The following RFX2 variants were observed in gnomAD, a reference collection of about 807,000 sequenced individuals.
The protein encoded by RFX2 is DNA-binding protein RFX2.
A neutral mutation model predicts 87.8 loss-of-function variants in RFX2; 20 were observed. That is an observed-to-expected ratio of 0.23 (90% CI 0.16 to 0.33). RFX2 has a LOEUF of 0.33. Ranked by LOEUF, RFX2 falls within the 10% of genes least tolerant of loss-of-function variation. The pLI is 1.00. For synonymous variants in RFX2, 397 were observed against 431.3 expected, an observed-to-expected ratio of 0.92 and a Z score of 0.98; for missense variants, 767 against 1,012.3, an observed-to-expected ratio of 0.76 and a Z score of 3.29.
At chr19:6,100,869 T>C (rs943121745) in intron 1 of RFX2, among the ~76,000 whole-genome samples, 6 of 140,576 alleles carry the variant, frequency 4.3e-5, no homozygotes, top group Admixed American at 4.0e-4. Context: ...ATTGATTTAA[T>C]TGAATTAATT....
rs2086431888 is a variant in RFX2, at chr19:5,997,593, G to C, written c.1860-380C>G. 6.6e-6 allele frequency among the ~76,000 whole-genome samples: 1 copy of C among 152,226 alleles called. No homozygotes were observed. Among genetic ancestry groups the C allele is most frequent in the Non-Finnish European group, 1.5e-5 (1 of 68,038 alleles). ...CGGACTCCGAATCAGAGCACAGGCT[G>C]GCAGCTGGTGCCTGTCTCCCCAGCA... On this transcript the variant is annotated intron_variant, in intron 15 of 17. Transcript: ENST00000303657. The surrounding 1 kb of genome is among the most constrained non-coding windows in gnomAD (Gnocchi z 4.2).
chr19:6,054,033 G>T (rs1437927199), intron 1 of RFX2, among the ~76,000 whole-genome samples: 2 of 136,346 alleles, frequency 1.5e-5, no homozygotes, highest in African/African-American at 5.5e-5. Context: ...GATAAGAAAA[G>T]AAAACCCAAA....
chr19:6,077,576 T>G (rs2087709791), intron 1 of RFX2, among the ~76,000 whole-genome samples: 1 of 152,202 alleles, frequency 6.6e-6, no homozygotes, highest in Admixed American at 6.5e-5. Context: ...GAAGTAGACA[T>G]GTGCTAAACA....
intron 1 of RFX2, among the ~76,000 whole-genome samples, chr19:6,094,718 A>G (rs1171214690): frequency 6.6e-6 from 1 of 152,232 alleles, no homozygotes; most frequent in Non-Finnish European, 1.5e-5. Flanking sequence ...AGAATGTGAA[A>G]TATCTCGACA....
chr19:6,018,498 G>C (rs2144716217), intron 6 of RFX2, among the ~76,000 whole-genome samples: 1 of 152,358 alleles, frequency 6.6e-6, no homozygotes, highest in African/African-American at 2.4e-5. Context: ...TCAGGTGAAG[G>C]GGTGTGTGGG....
At chr19:6,108,461 C>G (rs1332369461) in intron 1 of RFX2, among the ~76,000 whole-genome samples, 1 of 152,140 alleles carries the variant, frequency 6.6e-6, no homozygotes, top group East Asian at 1.9e-4. Context: ...ACAATATGTA[C>G]AGGCAAAAAT....
chr19:5,997,624 C>T lies in RFX2; in HGVS notation c.1860-411G>A, dbSNP rs12984893. ...TGGTGCCTGTCTCCCCAGCAGGAGG[C>T]GCCTTTCCCCACCTTCCCCGTATCC... On this transcript the variant is annotated intron_variant, in intron 15 of 17. Transcript: ENST00000303657. The surrounding 1 kb of genome is among the most constrained non-coding windows in gnomAD (Gnocchi z 4.2). Among the ~76,000 whole-genome samples the T allele has an allele frequency of 0.25, 37,601 of 152,090 alleles. 5,467 individuals carry two copies. Among genetic ancestry groups the T allele is most frequent in the Middle Eastern group, 0.37 (109 of 294 alleles).
At position 6,083,045 on chromosome 19, in the gene RFX2, T is replaced by G. The variant is rs1260952115; in HGVS notation, c.-9+27348A>C. On this transcript the variant is annotated intron_variant, in intron 1 of 17. Coordinates refer to ENST00000303657, the MANE Select transcript of RFX2 (RefSeq NM_000635.4). This position sits in a 1 kb window ranked among gnomAD's most constrained non-coding sequence, Gnocchi z 4.6. ...CCTCAACCTCCCTGGGCTCAGGGAGTACGGGCACGTGCCACTACCCCCAGC... is the reference window on the plus strand; with the variant it reads ...CCTCAACCTCCCTGGGCTCAGGGAGGACGGGCACGTGCCACTACCCCCAGC... 6.6e-6 allele frequency among the ~76,000 whole-genome samples: 1 copy of G among 151,578 alleles called. No individual in the cohort carries two copies. Among genetic ancestry groups the G allele is most frequent in the African/African-American group, 2.4e-5 (1 of 41,192 alleles).
At chr19:6,107,644 A>AT (rs2088239660) in intron 1 of RFX2, among the ~76,000 whole-genome samples, 1 of 148,372 alleles carries the variant, frequency 6.7e-6, no homozygotes, top group African/African-American at 2.5e-5. Context: ...AAAAAAAAAA[A>AT]TCCACAGGTG....
At chr19:6,091,282 G>A (rs1478794451) in intron 1 of RFX2, among the ~76,000 whole-genome samples, 1 of 152,098 alleles carries the variant, frequency 6.6e-6, no homozygotes, top group East Asian at 1.9e-4. Context: ...CTTGAATCCC[G>A]GAGTTTGAGA....
chr19:6,108,233 C>A (rs1263611450), intron 1 of RFX2, among the ~76,000 whole-genome samples: 1 of 152,160 alleles, frequency 6.6e-6, no homozygotes, highest in East Asian at 1.9e-4. Flanking sequence ...AACTTAAATT[C>A]TTTTCCTAGG....
intron 1 of RFX2, among the ~76,000 whole-genome samples, chr19:6,093,394 G>C (rs192125553): frequency 6.6e-6 from 1 of 152,262 alleles, no homozygotes; most frequent in East Asian, 1.9e-4. Context: ...AATTTGCCGG[G>C]CGTGGTGGCA....
At chr19:6,043,447 C>A (rs1030091822) in intron 3 of RFX2, among the ~76,000 whole-genome samples, 1 of 152,230 alleles carries the variant, frequency 6.6e-6, no homozygotes, top group African/African-American at 2.4e-5. Context: ...CTCAGGGCTC[C>A]TTTTAGGGAG....
chr19:6,028,749 G>A (rs559909016), intron 5 of RFX2, among the ~76,000 whole-genome samples: 16 of 151,980 alleles, frequency 1.1e-4, no homozygotes, highest in African/African-American at 1.4e-4. Context: ...GGAAATTTTC[G>A]TCAGATCACT....
At chr19:6,084,085 C>T (rs747054496) in intron 1 of RFX2, among the ~76,000 whole-genome samples, 6 of 152,042 alleles carry the variant, frequency 3.9e-5, no homozygotes, top group Non-Finnish European at 5.9e-5. Context: ...GCTAAAGAAC[C>T]GGTCCTCCAC....
rs1414365959 is a variant in RFX2, at chr19:6,050,173, G to T, written c.-8-2669C>A. On this transcript the variant is annotated intron_variant, in intron 1 of 17. Transcript: ENST00000303657. The surrounding 1 kb of genome is among the most constrained non-coding windows in gnomAD (Gnocchi z 4.6). ...AAAAAATTAAGTGAAGATTTCAGCT[G>T]CTGCCTGTTGCAGGAGGGAGAGTTT... 6.6e-6 allele frequency among the ~76,000 whole-genome samples: 1 copy of T among 152,202 alleles called. No homozygotes were observed. The highest frequency in any genetic ancestry group is 1.5e-5 in the Non-Finnish European group (1 of 68,038).
intron 1 of RFX2, among the ~76,000 whole-genome samples, chr19:6,102,421 A>G (rs1260143436): frequency 6.6e-6 from 1 of 152,284 alleles, no homozygotes; most frequent in Non-Finnish European, 1.5e-5. Context: ...TGAATGATGA[A>G]CAAATGTCAG....
Position 6,010,109 on chromosome 19 carries a change from G to A in RFX2, c.1015+27C>T, listed in dbSNP as rs201386544. The A allele has an allele frequency of 6.2e-6, 9 of 1,441,834 alleles. No homozygotes were observed. Among genetic ancestry groups the A allele is most frequent in the Admixed American group, 2.0e-5 (1 of 50,084 alleles). The allele number at this position is 1,441,834 out of a possible 1,614,324, so 89.3% of individuals were successfully genotyped here. ...AGTGTGGCGAGCAGATGGGAGCCCC[G>A]CCCCCGGGCCTGACCGGGCCTCTCA... On this transcript the variant is annotated intron_variant, in intron 9 of 17. Transcript: ENST00000303657. This position sits in a 1 kb window ranked among gnomAD's most constrained non-coding sequence, Gnocchi z 5.0.
chr19:6,055,044 T>TA (rs906155113), intron 1 of RFX2, among the ~76,000 whole-genome samples: 2 of 152,122 alleles, frequency 1.3e-5, no homozygotes, highest in African/African-American at 2.4e-5. Flanking sequence ...ACAAATAACT[T>TA]AAAAAAATGG....
Sources: allele counts gnomAD v4.1 joint callset (sites outside exome capture counted in the v4.1 genomes callset), GRCh38; gene constraint gnomAD v4.1.1; non-coding constraint Gnocchi (gnomAD v3.1); transcripts MANE v1.5; gene names NCBI Gene and HGNC (gene_info 2026-07-23, HGNC 2026-07-21).